TAFA1: variants seen among roughly 807,000 people sequenced by gnomAD.
TAFA1 encodes chemokine-like protein TAFA-1.
TAFA1 carries 4 observed loss-of-function variants against 18.5 expected under a neutral mutation model. The ratio of observed to expected loss-of-function variants is 0.22; its 90% CI spans 0.11 to 0.49. TAFA1 has a LOEUF of 0.49. Ranked by LOEUF, TAFA1 falls within the 20% of genes least tolerant of loss-of-function variation. The pLI is 0.98. For synonymous variants in TAFA1, 56 were observed against 55.2 expected, an observed-to-expected ratio of 1.01 and a Z score of -0.06; for missense variants, 147 against 169.0, an observed-to-expected ratio of 0.87 and a Z score of 0.72.
chr3:68,492,582 T>A (rs1344285229), intron 3 of TAFA1, among the ~76,000 whole-genome samples: 1 of 152,220 alleles, frequency 6.6e-6, no homozygotes, highest in Non-Finnish European at 1.5e-5. Flanking sequence ...TTGTAGTCTT[T>A]GATTCATGAC....
At chr3:68,304,100 A>C (rs2068362247) in intron 2 of TAFA1, among the ~76,000 whole-genome samples, 1 of 152,182 alleles carries the variant, frequency 6.6e-6, no homozygotes, top group South Asian at 2.1e-4. Context: ...AATGTGGGAA[A>C]ATGAAGGTGT....
chr3:68,036,600 C>T (rs1011554799), intron 2 of TAFA1, among the ~76,000 whole-genome samples: 1 of 152,154 alleles, frequency 6.6e-6, no homozygotes, highest in African/African-American at 2.4e-5. Flanking sequence ...AAAACTCTCT[C>T]TGAGCCCACC....
chr3:68,528,912 T>C (rs1013365616), intron 3 of TAFA1, among the ~76,000 whole-genome samples: 3 of 152,124 alleles, frequency 2.0e-5, no homozygotes, highest in Admixed American at 2.0e-4. Flanking sequence ...AAGATAATGA[T>C]AGCTAATATT....
chr3:68,041,561 A>T (rs1446618406), intron 2 of TAFA1, among the ~76,000 whole-genome samples: 5 of 152,212 alleles, frequency 3.3e-5, no homozygotes, highest in African/African-American at 7.2e-5. Flanking sequence ...AGGTTTGGAA[A>T]CTAATACTTT....
chr3:68,037,742 AG>A (rs2106669292), intron 2 of TAFA1, among the ~76,000 whole-genome samples: 1 of 152,304 alleles, frequency 6.6e-6, no homozygotes, highest in South Asian at 2.1e-4. Flanking sequence ...ATCACTCCAG[AG>A]GCAACGTGGA....
intron 2 of TAFA1, among the ~76,000 whole-genome samples, chr3:68,160,837 C>A (rs2065916747): frequency 6.6e-6 from 1 of 152,170 alleles, no homozygotes; most frequent in Admixed American, 6.5e-5. Context: ...GGGTTTAGGT[C>A]AGGTCTGGCT....
intron 2 of TAFA1, among the ~76,000 whole-genome samples, chr3:68,107,008 A>G (rs923850137): frequency 6.6e-6 from 1 of 152,158 alleles, no homozygotes; most frequent in Non-Finnish European, 1.5e-5. Flanking sequence ...AACACCTTTG[A>G]AAAACAGTTT....
intron 3 of TAFA1, among the ~76,000 whole-genome samples, chr3:68,460,194 A>G (rs2071748411): frequency 6.6e-6 from 1 of 152,156 alleles, no homozygotes; most frequent in Non-Finnish European, 1.5e-5. Flanking sequence ...TAGTGAAGTT[A>G]AAAAAGGGAT....
chr3:68,368,838 C>T (rs958141315), intron 2 of TAFA1, among the ~76,000 whole-genome samples: 2 of 152,164 alleles, frequency 1.3e-5, no homozygotes, highest in African/African-American at 4.8e-5. Flanking sequence ...AGCAAGGCAG[C>T]ATCACACAAG....
chr3:68,183,771 T>C (rs752371949), intron 2 of TAFA1, among the ~76,000 whole-genome samples: 4 of 152,142 alleles, frequency 2.6e-5, no homozygotes, highest in Non-Finnish European at 5.9e-5. Flanking sequence ...GCACATTCTA[T>C]TTAGATCAGA....
chr3:68,182,190 C>G (rs562015274), intron 2 of TAFA1, among the ~76,000 whole-genome samples: 1 of 152,292 alleles, frequency 6.6e-6, no homozygotes, highest in African/African-American at 2.4e-5. Flanking sequence ...GCCTGGGTGA[C>G]AGAGTGAGAC....
chr3:68,239,842 C>T (rs2066974429), intron 2 of TAFA1, among the ~76,000 whole-genome samples: 3 of 152,230 alleles, frequency 2.0e-5, no homozygotes, highest in African/African-American at 4.8e-5. Context: ...CTTGTTGACA[C>T]ATTTATAGAT....
intron 3 of TAFA1, among the ~76,000 whole-genome samples, chr3:68,451,784 C>T (rs4855480): frequency 0.2 from 30,124 of 152,026 alleles, 3,767 homozygotes; most frequent in East Asian, 0.43. Context: ...AAGAGTTGTG[C>T]GGGCTGGAGG....
chr3:68,488,464 C>T (rs2072388517), intron 3 of TAFA1, among the ~76,000 whole-genome samples: 1 of 152,142 alleles, frequency 6.6e-6, no homozygotes. Flanking sequence ...TACTTTGCAT[C>T]CTTCAATACA....
intron 2 of TAFA1, among the ~76,000 whole-genome samples, chr3:68,337,085 G>T (rs2068983414): frequency 6.6e-6 from 1 of 152,160 alleles, no homozygotes; most frequent in Admixed American, 6.5e-5. Context: ...TTGAGATATA[G>T]TTGGTGTATT....
rs540734775 is a variant in TAFA1, at chr3:68,221,056, C to T, written c.119-196224C>T. Among the ~76,000 whole-genome samples, 421 of 152,264 alleles carry T rather than the reference C, an allele frequency of 2.8e-3. 1 individual carries two copies. The highest frequency in any genetic ancestry group is 4.5e-3 in the Non-Finnish European group (309 of 68,014). ...ACATCCTTAGCAGCTTCAAGTCCCA[C>T]GGGTCACACAAGTGTAGCTCAGGGA... On this transcript the variant is annotated intron_variant, in intron 2 of 4. Coordinates refer to ENST00000478136, the MANE Select transcript of TAFA1 (RefSeq NM_213609.4).
intron 2 of TAFA1, among the ~76,000 whole-genome samples, chr3:68,279,924 T>A (rs945338174): frequency 2.6e-5 from 4 of 152,188 alleles, no homozygotes; most frequent in African/African-American, 9.6e-5. Context: ...CAACTGTAGA[T>A]TTTTCCATTT....
intron 3 of TAFA1, among the ~76,000 whole-genome samples, chr3:68,508,669 C>T (rs1402975009): frequency 1.3e-5 from 2 of 152,046 alleles, no homozygotes; most frequent in African/African-American, 2.4e-5. Context: ...GAGAAACTTA[C>T]ATTCTTATGA....
chr3:68,113,412 AT>A (rs2065283561), intron 2 of TAFA1, among the ~76,000 whole-genome samples: 1 of 152,236 alleles, frequency 6.6e-6, no homozygotes. Context: ...CAAAAATCAA[AT>A]CCAGGTGAAT....
Sources: allele counts gnomAD v4.1 joint callset (sites outside exome capture counted in the v4.1 genomes callset), GRCh38; gene constraint gnomAD v4.1.1; transcripts MANE v1.5; gene names NCBI Gene and HGNC (gene_info 2026-07-23, HGNC 2026-07-21).